The following COG5 variants were observed in gnomAD, a reference collection of about 807,000 sequenced individuals.
The protein encoded by COG5 is conserved oligomeric Golgi complex subunit 5.
Under a neutral mutation model 110.4 loss-of-function variants are expected in COG5, and 86 were observed. The observed-to-expected ratio is 0.78, with a 90% CI of 0.65 to 0.93. The LOEUF is 0.93. Among genes scored for constraint, COG5 ranks in the 40% least tolerant of loss-of-function variants. COG5 has a pLI of 0.00. For synonymous variants in COG5, 360 were observed against 334.6 expected (o/e 1.08, Z -0.83); for missense variants, 1,077 against 987.0 (o/e 1.09, Z -1.22).
Position 107,403,496 on chromosome 7 carries a change from C to T in COG5, c.669+9006G>A, listed in dbSNP as rs764331590. On this transcript the variant is annotated intron_variant, in intron 7 of 21. Coordinates refer to ENST00000297135, the MANE Select transcript of COG5 (RefSeq NM_006348.5). ...GGTGGTTTTGCCGCACCCATCAACC[C>T]GTCACCTACATTACCTATTTCTCCT... Among the ~76,000 whole-genome samples the T allele has an allele frequency of 5.3e-5, 8 of 151,854 alleles. No individual in the cohort carries two copies. In the East Asian group the frequency reaches 5.8e-4, roughly 11 times the overall value.
At chr7:107,484,025 T>C (rs994636968) in intron 6 of COG5, among the ~76,000 whole-genome samples, 2 of 152,076 alleles carry the variant, frequency 1.3e-5, no homozygotes, top group African/African-American at 4.8e-5. Context: ...ATGTTAGATA[T>C]AATTTTATTT....
Position 107,372,774 on chromosome 7 carries a change from G to A in COG5, c.670-14C>T. ...TTGAGTTGGATTCTTAAAAAAAGGT[G>A]GGGTGGGGTGGAAACAGATATAAAT... is the stretch of plus-strand genomic sequence containing the variant. On this transcript the variant is annotated splice_polypyrimidine_tract_variant and intron_variant, in intron 7 of 21. Transcript: ENST00000297135. 1 of 1,612,700 alleles carries A rather than the reference G, an allele frequency of 6.2e-7. No homozygotes were observed. Among genetic ancestry groups the A allele is most frequent in the Non-Finnish European group, 8.5e-7 (1 of 1,179,250 alleles).
chr7:107,399,686 T>C (rs1271758630), intron 7 of COG5, among the ~76,000 whole-genome samples: 1 of 152,166 alleles, frequency 6.6e-6, no homozygotes, highest in Non-Finnish European at 1.5e-5. Context: ...ACTAATTCAA[T>C]TTACAATGCA....
At chr7:107,517,767 G>A (rs143302892) in intron 6 of COG5, among the ~76,000 whole-genome samples, 2,225 of 151,050 alleles carry the variant, frequency 0.015, 56 homozygotes, top group African/African-American at 0.052. Context: ...GCGCAATCTC[G>A]GCTCACCACA....
At chr7:107,286,348 C>A (rs1458048290) in intron 12 of COG5, among the ~76,000 whole-genome samples, 1 of 152,100 alleles carries the variant, frequency 6.6e-6, no homozygotes, top group African/African-American at 2.4e-5. Flanking sequence ...TGCTACATGA[C>A]CCCTTCTTGC....
intron 1 of COG5, among the ~76,000 whole-genome samples, chr7:107,560,081 G>A (rs1470281683): frequency 6.6e-6 from 1 of 152,206 alleles, no homozygotes; most frequent in Non-Finnish European, 1.5e-5. Context: ...ACAGCAATGT[G>A]CTGAAGTTGC....
At chr7:107,403,952 T>C (rs1253983659) in intron 7 of COG5, among the ~76,000 whole-genome samples, 1 of 152,082 alleles carries the variant, frequency 6.6e-6, no homozygotes, top group African/African-American at 2.4e-5. Context: ...AAGGGCAGAA[T>C]TCAATGAATA....
chr7:107,461,751 T>A (rs1796001666), intron 6 of COG5, among the ~76,000 whole-genome samples: 1 of 152,224 alleles, frequency 6.6e-6, no homozygotes. Flanking sequence ...TATTTCTTTA[T>A]ATAAACAAAT....
At chr7:107,304,144 T>C (rs779868693) in intron 11 of COG5, among the ~76,000 whole-genome samples, 14 of 152,296 alleles carry the variant, frequency 9.2e-5, no homozygotes, top group South Asian at 6.2e-4. Flanking sequence ...TCCCCTATCT[T>C]TGTCTTCTTG....
rs148076644 is a variant in COG5, at chr7:107,270,133, T to C, written c.1575+11167A>G. ...ATTCATTGTGATCACTCCCTCTGAA[T>C]ACTAATCAAATTATTCCTTCTTGTA... is the stretch of plus-strand genomic sequence containing the variant. On this transcript the variant is annotated intron_variant, in intron 14 of 21. Coordinates refer to ENST00000297135, the MANE Select transcript of COG5 (RefSeq NM_006348.5). Among the ~76,000 whole-genome samples the C allele has an allele frequency of 3.4e-3, 518 of 152,304 alleles. 1 individual carries two copies. Among genetic ancestry groups the C allele is most frequent in the African/African-American group, 0.012 (494 of 41,568 alleles).
chr7:107,498,345 T>G (rs796875277), intron 6 of COG5, among the ~76,000 whole-genome samples: 13 of 152,220 alleles, frequency 8.5e-5, no homozygotes, highest in African/African-American at 3.1e-4. Context: ...ATGCAACCTA[T>G]GAAATGCGAG....
intron 6 of COG5, among the ~76,000 whole-genome samples, chr7:107,487,838 A>T (rs1193881972): frequency 6.6e-6 from 1 of 152,138 alleles, no homozygotes; most frequent in African/African-American, 2.4e-5. Context: ...GTTTATTAAC[A>T]TGGCATTATG....
Position 107,201,691 on chromosome 7 carries a change from T to A in COG5, c.*1825A>T. 1 of 362,816 alleles carries A rather than the reference T, an allele frequency of 2.8e-6. No individual in the cohort carries two copies. The highest frequency in any genetic ancestry group is 5.0e-6 in the Non-Finnish European group (1 of 201,526). The allele number at this position is 362,816 out of a possible 1,614,324, so 22.5% of individuals were successfully genotyped here. On this transcript the variant is annotated 3_prime_UTR_variant, in exon 22 of 22. Transcript: ENST00000297135. ...TTCATATATGTCTATCAGGTAATAA[T>A]AGGCTTGAAAATTGATATCCTGTGG... is the stretch of plus-strand genomic sequence containing the variant.
intron 12 of COG5, among the ~76,000 whole-genome samples, chr7:107,285,605 C>T (rs1805565872): frequency 6.6e-6 from 1 of 152,172 alleles, no homozygotes; most frequent in South Asian, 2.1e-4. Context: ...CATGCCCCAC[C>T]TTCTATCTCT....
intron 6 of COG5, among the ~76,000 whole-genome samples, chr7:107,446,869 A>C (rs1251124227): frequency 6.6e-6 from 1 of 152,166 alleles, no homozygotes; most frequent in Non-Finnish European, 1.5e-5. Context: ...TTAGTTAACT[A>C]TTGCTGCCAT....
intron 14 of COG5, among the ~76,000 whole-genome samples, chr7:107,269,074 C>T (rs1275942487): frequency 6.6e-6 from 1 of 152,050 alleles, no homozygotes; most frequent in Admixed American, 6.5e-5. Context: ...ATTTTTCAGC[C>T]TTTTACTCAA....
chr7:107,439,194 C>G (rs764321560), intron 6 of COG5, among the ~76,000 whole-genome samples: 1 of 152,198 alleles, frequency 6.6e-6, no homozygotes, highest in Non-Finnish European at 1.5e-5. Context: ...GCTCCCTTCA[C>G]TCTCTTACAT....
In COG5 at chr7:107,324,800, A is replaced by G. The variant is rs188599951; in HGVS notation, c.1027-279T>C. Among the ~76,000 whole-genome samples the G allele has an allele frequency of 1.7e-3, 256 of 152,332 alleles. 3 individuals carry two copies. The highest frequency in any genetic ancestry group is 9.4e-4 in the Non-Finnish European group (64 of 68,030). On this transcript the variant is annotated intron_variant, in intron 10 of 21. Transcript: ENST00000297135. ...GCCATTCAGGGCCTTTGTTCTTCAT[A>G]TGAAAAATGGTGATAACATTGCAGG...
At chr7:107,278,024 C>A (rs1230957707) in intron 14 of COG5, among the ~76,000 whole-genome samples, 1 of 152,086 alleles carries the variant, frequency 6.6e-6, no homozygotes, top group African/African-American at 2.4e-5. Flanking sequence ...TGAATAAAAT[C>A]TATAACTAAG....
Sources: allele counts gnomAD v4.1 joint callset (sites outside exome capture counted in the v4.1 genomes callset), GRCh38; gene constraint gnomAD v4.1.1; transcripts MANE v1.5; gene names NCBI Gene and HGNC (gene_info 2026-07-23, HGNC 2026-07-21).